HCN4: variants seen among roughly 807,000 people sequenced by gnomAD.
The protein encoded by HCN4 is potassium/sodium hyperpolarization-activated cyclic nucleotide-gated channel 4.
A neutral mutation model predicts 76.9 loss-of-function variants in HCN4; 29 were observed. The observed-to-expected ratio is 0.38, with a 90% confidence interval of 0.28 to 0.51. The LOEUF (loss-of-function observed/expected upper bound fraction) is 0.51. Among genes scored for constraint, HCN4 ranks in the 20% least tolerant of loss-of-function variants. The probability of loss-of-function intolerance (pLI) is 0.90; values close to 1 mark genes in which losing one functional copy is unlikely to be tolerated. For synonymous variants in HCN4, 772 were observed against 762.5 expected (o/e 1.01, Z -0.21); for missense variants, 1,416 against 1,715.2 (o/e 0.83, Z 3.08).
chr15:73,362,766 G>A (rs1318748319), intron 1 of HCN4, among the ~76,000 whole-genome samples: 2 of 152,228 alleles, frequency 1.3e-5, no homozygotes, highest in East Asian at 1.9e-4. Flanking sequence ...GCTCACAGCA[G>A]CTAAGGGAAC....
At chr15:73,356,791 G>GA (rs1412117773) in intron 1 of HCN4, among the ~76,000 whole-genome samples, 1 of 151,944 alleles carries the variant, frequency 6.6e-6, no homozygotes, top group East Asian at 1.9e-4. Context: ...TCTGGCCTCA[G>GA]AATTTTATGA....
intron 1 of HCN4, among the ~76,000 whole-genome samples, chr15:73,344,670 C>A (rs1409142940): frequency 1.3e-5 from 2 of 152,200 alleles, no homozygotes; most frequent in Non-Finnish European, 2.9e-5. Context: ...GCCTCAGGCA[C>A]CTTCAAGTCG....
In HCN4 at chr15:73,325,304, C is replaced by T. The variant is rs763154920; in HGVS notation, c.1731G>A (p.Leu577=). The T allele has an allele frequency of 2.5e-6, 4 of 1,613,860 alleles. No homozygotes were observed. Among genetic ancestry groups the T allele is most frequent in the East Asian group, 4.5e-5 (2 of 44,846 alleles). The part of the protein sequence containing the change: ...ESILGELSEP[L]REEIINFNCR... ...GGGCCGCCACACAGCTCACCTCCCG[C>T]AGGGGCTCGCTTAGCTCGCCCAGGA... The change falls in exon 5 of 8, where the codon CTG becomes CTA. Residue 577 remains leucine (L), a synonymous_variant. Coordinates refer to ENST00000261917, the MANE Select transcript of HCN4 (RefSeq NM_005477.3). The surrounding 1 kb of genome is among the most constrained non-coding windows in gnomAD (Gnocchi z 7.4).
intron 2 of HCN4, among the ~76,000 whole-genome samples, chr15:73,340,057 G>A (rs1218686835): frequency 6.6e-6 from 1 of 152,198 alleles, no homozygotes; most frequent in Non-Finnish European, 1.5e-5. Context: ...TCAGAGGCCT[G>A]ACTCAAGGCC....
In HCN4 at chr15:73,353,906, T is replaced by G. The variant is rs1398269673; in HGVS notation, c.786-10098A>C. Among the ~76,000 whole-genome samples, 3 of 152,242 alleles carry G rather than the reference T, an allele frequency of 2.0e-5. No individual in the cohort carries two copies. The East Asian group carries it at 5.8e-4, about 29-fold the overall frequency. ...TTCCTGCCCAACCTCCCCTCACTGT[T>G]GTTCTTCCCTGACCCCAGGGTCTCC... On this transcript the variant is annotated intron_variant, in intron 1 of 7. Transcript: ENST00000261917.
chr15:73,346,733 A>C (rs2043031504), intron 1 of HCN4, among the ~76,000 whole-genome samples: 1 of 152,200 alleles, frequency 6.6e-6, no homozygotes, highest in African/African-American at 2.4e-5. Flanking sequence ...ATCCATAAAA[A>C]TGGGATCCCG....
intron 1 of HCN4, among the ~76,000 whole-genome samples, chr15:73,359,750 C>G (rs943040819): frequency 6.6e-6 from 1 of 152,198 alleles, no homozygotes; most frequent in African/African-American, 2.4e-5. Context: ...AGCCCTGATT[C>G]TGGTCACACA....
chr15:73,324,372 C>A lies in HCN4; in HGVS notation c.1979-119G>T, dbSNP rs1267760666. 3.5e-6 allele frequency: 4 copies of A among 1,133,406 alleles called. No homozygotes were observed. In the East Asian group the frequency reaches 1.0e-4, roughly 29 times the overall value. The allele number at this position is 1,133,406 out of a possible 1,614,324, so 70.2% of individuals were successfully genotyped here. On this transcript the variant is annotated intron_variant, in intron 6 of 7. Coordinates refer to ENST00000261917, the MANE Select transcript of HCN4 (RefSeq NM_005477.3). ...AGAAGCCTTGGCAGGCTCACAAGGC[C>A]CTGCCCCCAGACTGCGGCCACACTG...
chr15:73,365,147 TG>T (rs1176522407), intron 1 of HCN4, among the ~76,000 whole-genome samples: 2 of 151,424 alleles, frequency 1.3e-5, no homozygotes, highest in East Asian at 3.9e-4. Flanking sequence ...GTGGGTTAGG[TG>T]GGGTTGGGTG....
At position 73,329,545 on chromosome 15, in the gene HCN4, T is replaced by C. The variant is rs980478597; in HGVS notation, c.1590+28A>G. On this transcript the variant is annotated intron_variant, in intron 4 of 7. Transcript: ENST00000261917. ...TGTGCTCCCTCTTGGGAGGGACCAA[T>C]GTGCGGGTGCTCCCTGGGTAGACCT... is the stretch of plus-strand genomic sequence containing the variant. 8 of 1,607,324 alleles carry C rather than the reference T, an allele frequency of 5.0e-6. No individual in the cohort carries two copies. In the East Asian group the frequency reaches 1.1e-4, roughly 22 times the overall value.
intron 2 of HCN4, among the ~76,000 whole-genome samples, chr15:73,342,954 C>G (rs971005517): frequency 2.6e-5 from 4 of 152,214 alleles, no homozygotes; most frequent in Non-Finnish European, 5.9e-5. Flanking sequence ...GCCCTTTTCA[C>G]CCATCCCTAT....
At chr15:73,326,789 A>ATTTT (rs1363132655) in intron 4 of HCN4, among the ~76,000 whole-genome samples, 38 of 144,482 alleles carry the variant, frequency 2.6e-4, no homozygotes, top group Non-Finnish European at 4.1e-4. Context: ...TTATTTATTT[A>ATTTT]TTTATTTTTT....
chr15:73,343,834 G>T lies in HCN4; in HGVS notation c.786-26C>A, dbSNP rs191464294. 3.7e-6 allele frequency: 6 copies of T among 1,611,732 alleles called. No individual in the cohort carries two copies. Among genetic ancestry groups the T allele is most frequent in the Admixed American group, 1.7e-5 (1 of 60,020 alleles). On this transcript the variant is annotated intron_variant, in intron 1 of 7. Coordinates refer to ENST00000261917, the MANE Select transcript of HCN4 (RefSeq NM_005477.3). This position sits in a 1 kb window ranked among gnomAD's most constrained non-coding sequence, Gnocchi z 5.7. Reference sequence around the variant, plus strand: ...CTGCCCAGAGACACAGGGGTCAGTCGCCAGGAAGAGAGAGAGGACAAGTTA... The same window carrying T: ...CTGCCCAGAGACACAGGGGTCAGTCTCCAGGAAGAGAGAGAGGACAAGTTA...
At chr15:73,353,986 C>T (rs1271211059) in intron 1 of HCN4, among the ~76,000 whole-genome samples, 1 of 152,070 alleles carries the variant, frequency 6.6e-6, no homozygotes, top group Non-Finnish European at 1.5e-5. Context: ...GCCACTAGGG[C>T]TCTATTTTTA....
chr15:73,344,675 A>G (rs1018819738), intron 1 of HCN4, among the ~76,000 whole-genome samples: 2 of 152,158 alleles, frequency 1.3e-5, no homozygotes, highest in Admixed American at 6.5e-5. Flanking sequence ...AGGCACCTTC[A>G]AGTCGTTTGT....
intron 2 of HCN4, among the ~76,000 whole-genome samples, chr15:73,336,057 A>G (rs574840284): frequency 6.6e-6 from 1 of 152,218 alleles, no homozygotes; most frequent in South Asian, 2.1e-4. Flanking sequence ...GAACATGTAT[A>G]TAGAAACCCA....
At chr15:73,344,393 C>T (rs2043021226) in intron 1 of HCN4, among the ~76,000 whole-genome samples, 1 of 152,214 alleles carries the variant, frequency 6.6e-6, no homozygotes, top group African/African-American at 2.4e-5. Flanking sequence ...GCCTCAGTTT[C>T]CTCACTGTGT....
Position 73,367,338 on chromosome 15 carries a change from G to C in HCN4, c.785+148C>G. 6 of 1,224,090 alleles carry C rather than the reference G, an allele frequency of 4.9e-6. No individual in the cohort carries two copies. The highest frequency in any genetic ancestry group is 5.7e-6 in the Non-Finnish European group (5 of 880,830). The allele number at this position is 1,224,090 out of a possible 1,614,324, so 75.8% of individuals were successfully genotyped here. On this transcript the variant is annotated intron_variant, in intron 1 of 7. Transcript: ENST00000261917. This position sits in a 1 kb window ranked among gnomAD's most constrained non-coding sequence, Gnocchi z 7.5. ...CAGCGCGGTGCAGGAGGGGGCCTGG[G>C]GGTGTCTCGGAGCCTAGAGGCGCCC... is the stretch of plus-strand genomic sequence containing the variant.
chr15:73,368,039 C>T lies in HCN4; in HGVS notation c.232G>A (p.Glu78Lys), dbSNP rs1464572850. 1 of 1,456,592 alleles carries T rather than the reference C, an allele frequency of 6.9e-7. No individual in the cohort carries two copies. The highest frequency in any genetic ancestry group is 1.3e-5 in the South Asian group (1 of 74,984). 90.2% of individuals were successfully genotyped at this position (1,456,592 alleles called of 1,614,324 possible). Residue 78 changes from glutamate to lysine, a missense_variant, in exon 1 of 8, where the codon GAA (glutamate) becomes AAA (lysine). Physicochemically the swap from Glu to Lys is moderately conservative, Grantham distance 56 (BLOSUM62 1). Coordinates refer to ENST00000261917, the MANE Select transcript of HCN4 (RefSeq NM_005477.3). The surrounding 1 kb of genome is among the most constrained non-coding windows in gnomAD (Gnocchi z 6.9). ...RSSALGAADS[E>K]GPARGAGKSS... ...TTGCCCGCGCCGCGGGCCGGCCCTT[C>T]GCTGTCCGCTGCCCCGAGGGCCGAG...
Sources: allele counts gnomAD v4.1 joint callset (sites outside exome capture counted in the v4.1 genomes callset), GRCh38; gene constraint gnomAD v4.1.1; non-coding constraint Gnocchi (gnomAD v3.1); transcripts MANE v1.5; gene names NCBI Gene and HGNC (gene_info 2026-07-23, HGNC 2026-07-21).